The following CD37 variants were observed in gnomAD, a reference collection of about 807,000 sequenced individuals.
CD37 encodes CD37 molecule, also known as leukocyte antigen CD37.
In CD37, 37 loss-of-function variants were observed where a neutral mutation model predicts 38.9. The ratio of observed to expected loss-of-function variants is 0.95; its 90% CI spans 0.73 to 1.25. The LOEUF (loss-of-function observed/expected upper bound fraction) is 1.25, where lower values mean the gene tolerates loss of function less well. CD37 is among the 50% of genes most tolerant of loss of function. CD37 has a pLI of 0.00. For synonymous variants in CD37, 146 were observed against 150.1 expected (o/e 0.97, Z 0.20); for missense variants, 351 against 360.1 (o/e 0.97, Z 0.20).
At chr19:49,336,645 G>A in intron 2 of CD37, 1 of 438,464 alleles carries the variant, frequency 2.3e-6, no homozygotes. Flanking sequence ...AAGTGATAGG[G>A]CTGAAACTAC....
At chr19:49,337,614 ATAAAT>A (rs1971005632) in intron 4 of CD37, 1 of 1,464,004 alleles carries the variant, frequency 6.8e-7, no homozygotes, top group African/African-American at 1.4e-5. Flanking sequence ...GTCTCAAAAA[ATAAAT>A]TAATAGAAAG....
rs1457708386 is a variant in CD37 at position 49,339,976 on chromosome 19, G to T, written c.769-275G>T. ...ACAATTAGAGGCTGAGGCAGAGGGG[G>T]AAGACAGATGAGCCTCCAAAATAAA... On this transcript the variant is annotated intron_variant, in intron 7 of 7. Coordinates refer to ENST00000323906, the MANE Select transcript of CD37 (RefSeq NM_001774.3). The surrounding 1 kb of genome is among the most constrained non-coding windows in gnomAD (Gnocchi z 4.5). The T allele has an allele frequency of 7.0e-7, 1 of 1,426,282 alleles. No homozygotes were observed. Among genetic ancestry groups the T allele is most frequent in the East Asian group, 2.6e-5 (1 of 38,578 alleles). 88.4% of individuals were successfully genotyped at this position (1,426,282 alleles called of 1,614,324 possible).
intron 2 of CD37, chr19:49,336,018 G>A (rs761419827): frequency 3.5e-6 from 2 of 576,614 alleles, no homozygotes; most frequent in Non-Finnish European, 6.2e-6. Context: ...TATCTGTCGG[G>A]ACTTGTGGCT....
At position 49,338,571 on chromosome 19, in the gene CD37, T is replaced by G. The variant is rs1027867112; in HGVS notation, c.448-129T>G. 1.4e-5 allele frequency: 10 copies of G among 700,712 alleles called. No homozygotes were observed. Among genetic ancestry groups the G allele is most frequent in the Non-Finnish European group, 2.5e-5 (10 of 393,230 alleles). 43.4% of individuals were successfully genotyped at this position (700,712 alleles called of 1,614,324 possible). ...GCCCCATCGTGACCCCAGCCCACTGTCCCCCACTCCACACCCACCACTTAG... is the reference window on the plus strand; with the variant it reads ...GCCCCATCGTGACCCCAGCCCACTGGCCCCCACTCCACACCCACCACTTAG... On this transcript the variant is annotated intron_variant, in intron 5 of 7. Coordinates refer to ENST00000323906, the MANE Select transcript of CD37 (RefSeq NM_001774.3). The surrounding 1 kb of genome is among the most constrained non-coding windows in gnomAD (Gnocchi z 5.0).
rs1464747386 is a variant in CD37 at position 49,338,784 on chromosome 19, C to T, written c.532C>T (p.Pro178Ser). 6.2e-7 allele frequency: 1 copy of T among 1,613,938 alleles called. No homozygotes were observed. The stretch of plus-strand genomic sequence containing the variant: ...TAACGGGTCGGAGGCGCACCGCGTG[C>T]CCTGCTCCTGCTACAACTTGTCGGC... Reference protein sequence around the residue: ...RGNGSEAHRVPCSCYNLSATN... With the variant: ...RGNGSEAHRVSCSCYNLSATN... The change falls in exon 6 of 8, where the codon CCC becomes TCC. Residue 178 changes from proline (P) to serine (S), a missense_variant. Pro to Ser is a moderately conservative substitution (Grantham distance 74). Transcript: ENST00000323906. This position sits in a 1 kb window ranked among gnomAD's most constrained non-coding sequence, Gnocchi z 5.0.
Position 49,338,160 on chromosome 19 carries a change from G to T in CD37, c.447+131G>T. 1 of 1,457,314 alleles carries T rather than the reference G, an allele frequency of 6.9e-7. No individual in the cohort carries two copies. The highest frequency in any genetic ancestry group is 9.0e-7 in the Non-Finnish European group (1 of 1,106,312). The allele number at this position is 1,457,314 out of a possible 1,614,324, so 90.3% of individuals were successfully genotyped here. A position where few individuals can be genotyped will look rare whatever the true frequency, so the allele number is the denominator to read the frequency against. On this transcript the variant is annotated intron_variant, in intron 5 of 7. Coordinates refer to ENST00000323906, the MANE Select transcript of CD37 (RefSeq NM_001774.3). This position sits in a 1 kb window ranked among gnomAD's most constrained non-coding sequence, Gnocchi z 5.0. ...ACACACCCCAATCCCTCCCAGGCCC[G>T]ACGCTCCCCACTCCCCAGATGACAC...
At position 49,337,142 on chromosome 19, in the gene CD37, C is replaced by T; in HGVS notation, c.268-5C>T. On this transcript the variant is annotated splice_polypyrimidine_tract_variant and splice_region_variant and intron_variant, in intron 3 of 7. Coordinates refer to ENST00000323906, the MANE Select transcript of CD37 (RefSeq NM_001774.3). ...TCAGCCTGATCTCTCCACTCTGCTC[C>T]CCAGTATTTTGGGATGCTGCTGCTC... 6.2e-7 allele frequency: 1 copy of T among 1,614,184 alleles called. No homozygotes were observed. Among genetic ancestry groups the T allele is most frequent in the Non-Finnish European group, 8.5e-7 (1 of 1,180,028 alleles).
intron 2 of CD37, chr19:49,336,050 T>G: frequency 7.8e-6 from 4 of 514,340 alleles, no homozygotes; most frequent in East Asian, 3.2e-5. Context: ...CCCACAAACC[T>G]TCCCCTCGCT....
chr19:49,335,481 T>TC lies in CD37; in HGVS notation c.-55dup, dbSNP rs1234914941. ...CTCAGCCTCTTTCTTTCTCCCTGTC[T>TC]CCCCCACTGTCAGCACCTCTTCTGT... On this transcript the variant is annotated 5_prime_UTR_variant, in exon 1 of 8. Coordinates refer to ENST00000323906, the MANE Select transcript of CD37 (RefSeq NM_001774.3). The surrounding 1 kb of genome is among the most constrained non-coding windows in gnomAD (Gnocchi z 4.6). 1.7e-6 allele frequency: 2 copies of TC among 1,156,488 alleles called. No homozygotes were observed. Among genetic ancestry groups the TC allele is most frequent in the Non-Finnish European group, 2.6e-6 (2 of 766,010 alleles). The allele number at this position is 1,156,488 out of a possible 1,614,324, so 71.6% of individuals were successfully genotyped here.
At position 49,338,918 on chromosome 19, in the gene CD37, G is replaced by A. The variant is rs1455988763; in HGVS notation, c.666G>A (p.Glu222=). ...HSADICAVPA[E]SHIYREGCAQ... is the part of the protein sequence containing the mutation. ...CAGACATCTGCGCTGTCCCTGCAGAGAGCCACATCTACCGCGAGGTGGGCA... is the reference window on the plus strand; with the variant it reads ...CAGACATCTGCGCTGTCCCTGCAGAAAGCCACATCTACCGCGAGGTGGGCA... The change falls in exon 6 of 8, where the codon GAG becomes GAA. Residue 222 remains glutamate (E), a synonymous_variant. Transcript: ENST00000323906. This position sits in a 1 kb window ranked among gnomAD's most constrained non-coding sequence, Gnocchi z 5.0. 2 of 1,613,244 alleles carry A rather than the reference G, an allele frequency of 1.2e-6. No homozygotes were observed. Among genetic ancestry groups the A allele is most frequent in the Non-Finnish European group, 8.5e-7 (1 of 1,179,330 alleles).
Position 49,335,795 on chromosome 19 carries a change from G to T in CD37, c.142+9G>T. ...CTTCGTGTCCTTTGTGGGTGAGGGGGGCTGGGGCAGGTGGGAGGGCCTCCC... is the reference window on the plus strand; with the variant it reads ...CTTCGTGTCCTTTGTGGGTGAGGGGTGCTGGGGCAGGTGGGAGGGCCTCCC... On this transcript the variant is annotated intron_variant, in intron 2 of 7. Coordinates refer to ENST00000323906, the MANE Select transcript of CD37 (RefSeq NM_001774.3). The surrounding 1 kb of genome is among the most constrained non-coding windows in gnomAD (Gnocchi z 4.6). The T allele has an allele frequency of 6.2e-7, 1 of 1,607,494 alleles. No homozygotes were observed. The highest frequency in any genetic ancestry group is 1.1e-5 in the South Asian group (1 of 90,940).
chr19:49,335,982 A>T lies in CD37; in HGVS notation c.142+196A>T, dbSNP rs1970939540. 1 of 605,908 alleles carries T rather than the reference A, an allele frequency of 1.7e-6. No homozygotes were observed. Among genetic ancestry groups the T allele is most frequent in the East Asian group, 2.7e-5 (1 of 36,416 alleles). The allele number at this position is 605,908 out of a possible 1,614,324, so 37.5% of individuals were successfully genotyped here. A position where few individuals can be genotyped will look rare whatever the true frequency, so the allele number is the denominator to read the frequency against. On this transcript the variant is annotated intron_variant, in intron 2 of 7. Coordinates refer to ENST00000323906, the MANE Select transcript of CD37 (RefSeq NM_001774.3). The surrounding 1 kb of genome is among the most constrained non-coding windows in gnomAD (Gnocchi z 4.6). ...GTTGTGCATACAAACAACAATGATCATGAGAGCCATTTCTCAAGCACTTCC... is the reference window on the plus strand; with the variant it reads ...GTTGTGCATACAAACAACAATGATCTTGAGAGCCATTTCTCAAGCACTTCC...
chr19:49,340,494 C>T lies in CD37; in HGVS notation c.*166C>T. On this transcript the variant is annotated 3_prime_UTR_variant, in exon 8 of 8. Transcript: ENST00000323906. ...GCCCCTGCTGCTGTCACCTCTCCCACGGGACCTGGGGCTTTCGTCCACAGC... is the reference window on the plus strand; with the variant it reads ...GCCCCTGCTGCTGTCACCTCTCCCATGGGACCTGGGGCTTTCGTCCACAGC... The T allele has an allele frequency of 1.5e-6, 1 of 660,998 alleles. No homozygotes were observed. Among genetic ancestry groups the T allele is most frequent in the South Asian group, 1.7e-5 (1 of 59,114 alleles). 40.9% of individuals were successfully genotyped at this position (660,998 alleles called of 1,614,324 possible). A position where few individuals can be genotyped will look rare whatever the true frequency, so the allele number is the denominator to read the frequency against.
chr19:49,339,888 G>T lies in CD37; in HGVS notation c.769-363G>T. The T allele has an allele frequency of 7.5e-7, 1 of 1,341,488 alleles. No homozygotes were observed. Among genetic ancestry groups the T allele is most frequent in the South Asian group, 1.6e-5 (1 of 63,672 alleles). 83.1% of individuals were successfully genotyped at this position (1,341,488 alleles called of 1,614,324 possible). On this transcript the variant is annotated intron_variant, in intron 7 of 7. Transcript: ENST00000323906. This position sits in a 1 kb window ranked among gnomAD's most constrained non-coding sequence, Gnocchi z 4.5. Reference sequence around the variant, plus strand: ...TGCCCATGGCCCTGGGGCTCTGGCCGCTGTGGGTTCAAGACGAGGACCAGC... The same window carrying T: ...TGCCCATGGCCCTGGGGCTCTGGCCTCTGTGGGTTCAAGACGAGGACCAGC...
Position 49,335,636 on chromosome 19 carries a change from G to A in CD37, c.69+27G>A, listed in dbSNP as rs568006022. 125 of 1,611,270 alleles carry A rather than the reference G, an allele frequency of 7.8e-5. 1 individual carries two copies. Among genetic ancestry groups the A allele is most frequent in the Middle Eastern group, 3.3e-4 (2 of 6,052 alleles). ...TGAGTTGCCTCATGGCTACCCAGCC[G>A]GGGCCCAGCCCCTGCCGCTAACCCA... On this transcript the variant is annotated intron_variant, in intron 1 of 7. Transcript: ENST00000323906. The surrounding 1 kb of genome is among the most constrained non-coding windows in gnomAD (Gnocchi z 4.6).
At chr19:49,336,009 A>C in intron 2 of CD37, 1 of 581,684 alleles carries the variant, frequency 1.7e-6, no homozygotes, top group East Asian at 2.8e-5. Flanking sequence ...AGCACTTCCT[A>C]TCTGTCGGGA....
intron 4 of CD37, 75 bp from the exon 5 acceptor site, chr19:49,337,849 CT>C: frequency 6.2e-7 from 1 of 1,602,626 alleles, no homozygotes; most frequent in Non-Finnish European, 8.5e-7. Context: ...CAGGGCCCGC[CT>C]GAGGCTGGCA....
chr19:49,338,709 T>C lies in CD37; in HGVS notation c.457T>C (p.Cys153Arg), dbSNP rs773307427. The stretch of plus-strand genomic sequence containing the variant: ...CGTATCCCTCTCCCAGCTGCGCTGC[T>C]GCGGCTGGCACTACCCGCAGGACTG... ...WDYVQFQLRC[C>R]GWHYPQDWFQ... Residue 153 changes from cysteine to arginine, a missense_variant, in exon 6 of 8, where the codon TGC becomes CGC. Transcript: ENST00000323906. The surrounding 1 kb of genome is among the most constrained non-coding windows in gnomAD (Gnocchi z 5.0). The C allele has an allele frequency of 3.1e-6, 5 of 1,610,862 alleles. No homozygotes were observed. In the African/African-American group the frequency reaches 4.0e-5, roughly 13 times the overall value.
chr19:49,338,088 G>T lies in CD37; in HGVS notation c.447+59G>T. On this transcript the variant is annotated intron_variant, in intron 5 of 7. Transcript: ENST00000323906. This position sits in a 1 kb window ranked among gnomAD's most constrained non-coding sequence, Gnocchi z 5.0. ...GACCCGCCTCAGCCCTGTGCTTGGA[G>T]GAGACTCCACCCCAACGTGGGCCCG... is the stretch of plus-strand genomic sequence containing the variant. 1 of 1,589,584 alleles carries T rather than the reference G, an allele frequency of 6.3e-7. No homozygotes were observed. The highest frequency in any genetic ancestry group is 8.6e-7 in the Non-Finnish European group (1 of 1,167,680).
Sources: allele counts gnomAD v4.1 joint callset, GRCh38; gene constraint gnomAD v4.1.1; non-coding constraint Gnocchi (gnomAD v3.1); transcripts MANE v1.5; gene names NCBI Gene and HGNC (gene_info 2026-07-23, HGNC 2026-07-21).